The following MPPED1 variants were observed in gnomAD, a reference collection of about 807,000 sequenced individuals.
MPPED1 encodes the protein metallophosphoesterase domain-containing protein 1.
In MPPED1, 16 loss-of-function variants were observed where a neutral mutation model predicts 36.2. The observed-to-expected ratio is 0.44, with a 90% confidence interval of 0.30 to 0.67. The LOEUF is 0.67. Among genes scored for constraint, MPPED1 ranks in the 30% least tolerant of loss-of-function variants. The pLI, the probability that MPPED1 is intolerant of heterozygous loss-of-function variation, is 0.10. For missense variants in MPPED1, 307 were observed against 453.4 expected (o/e 0.68, Z 2.93); for synonymous variants, 199 against 191.3 (o/e 1.04, Z -0.33).
At chr22:43,486,517 G>A (rs1931916550) in intron 4 of MPPED1, among the ~76,000 whole-genome samples, 1 of 152,160 alleles carries the variant, frequency 6.6e-6, no homozygotes, top group African/African-American at 2.4e-5. Context: ...GCTGGAAAAT[G>A]TCACACCCCT....
intron 3 of MPPED1, among the ~76,000 whole-genome samples, chr22:43,461,279 T>C (rs901983350): frequency 6.6e-6 from 1 of 152,132 alleles, no homozygotes; most frequent in African/African-American, 2.4e-5. Flanking sequence ...AAGCTGTTTT[T>C]CCCCCTCCTG....
intron 5 of MPPED1, among the ~76,000 whole-genome samples, chr22:43,500,180 G>A (rs373572144): frequency 0.13 from 4,544 of 35,646 alleles, 878 homozygotes; most frequent in African/African-American, 0.33. Context: ...TGGAGGTGGT[G>A]GTGATGGTGA....
At chr22:43,448,719 C>T (rs1453116570) in intron 3 of MPPED1, among the ~76,000 whole-genome samples, 2 of 152,086 alleles carry the variant, frequency 1.3e-5, no homozygotes, top group African/African-American at 2.4e-5. Context: ...TCTCCTGCCT[C>T]AGCCTCTTGA....
intron 2 of MPPED1, 139 bp from the exon 3 acceptor site, chr22:43,434,895 T>G: frequency 1.1e-6 from 1 of 893,356 alleles, no homozygotes; most frequent in South Asian, 1.7e-5. Flanking sequence ...CTGGGAAGGC[T>G]GGGCGTCCAG....
rs1932825352 is a variant in MPPED1, at chr22:43,506,882, A to T, written c.*1266A>T. Reference sequence around the variant, plus strand: ...ATGGACTTTTTCTGCATTTATTTTGATTTTTAACGTTGCATTAAAGTAGTA... The same window carrying T: ...ATGGACTTTTTCTGCATTTATTTTGTTTTTTAACGTTGCATTAAAGTAGTA... On this transcript the variant is annotated 3_prime_UTR_variant, in exon 7 of 7. Transcript: ENST00000443721. 1 of 152,014 alleles carries T rather than the reference A, an allele frequency of 6.6e-6. No individual in the cohort carries two copies. The highest frequency in any genetic ancestry group is 1.5e-5 in the Non-Finnish European group (1 of 67,996). 9.4% of individuals were successfully genotyped at this position (152,014 alleles called of 1,614,324 possible).
intron 4 of MPPED1, among the ~76,000 whole-genome samples, chr22:43,485,380 C>T (rs1389436125): frequency 6.6e-6 from 1 of 151,740 alleles, no homozygotes; most frequent in East Asian, 1.9e-4. Flanking sequence ...ATGAATTCAC[C>T]CATACATGTA....
chr22:43,469,545 A>G (rs575153673), intron 3 of MPPED1, among the ~76,000 whole-genome samples: 2 of 33,398 alleles, frequency 6.0e-5, no homozygotes, highest in African/African-American at 1.0e-4. Context: ...TGGCAGCCCT[A>G]GAACAGAGGA....
At chr22:43,459,062 CTTTTCTT>C (rs1327241102) in intron 3 of MPPED1, among the ~76,000 whole-genome samples, 1 of 151,820 alleles carries the variant, frequency 6.6e-6, no homozygotes, top group African/African-American at 2.4e-5. Flanking sequence ...CTATTGTTTC[CTTTTCTT>C]TTTTCTTTTT....
At chr22:43,495,546 TGGTG>T in intron 4 of MPPED1, among the ~76,000 whole-genome samples, 5 of 112,396 alleles carry the variant, frequency 4.4e-5, no homozygotes, top group African/African-American at 1.7e-4. Flanking sequence ...GAGATGGTGG[TGGTG>T]GAGATGGTGG....
chr22:43,483,669 A>C (rs765445303), intron 4 of MPPED1, among the ~76,000 whole-genome samples: 1 of 152,164 alleles, frequency 6.6e-6, no homozygotes, highest in Non-Finnish European at 1.5e-5. Context: ...GGGTGTTGTC[A>C]TTTTAGATGG....
At chr22:43,463,977 C>T (rs529256645) in intron 3 of MPPED1, among the ~76,000 whole-genome samples, 6 of 151,740 alleles carry the variant, frequency 4.0e-5, no homozygotes, top group African/African-American at 9.7e-5. Flanking sequence ...GACGTGATCT[C>T]GACTGACTGC....
At chr22:43,477,603 C>A (rs945633769) in intron 4 of MPPED1, among the ~76,000 whole-genome samples, 2 of 152,178 alleles carry the variant, frequency 1.3e-5, no homozygotes, top group Non-Finnish European at 2.9e-5. Context: ...AGGACCTGGT[C>A]TCATCTTGCC....
At chr22:43,429,160 C>T (rs538789817) in intron 2 of MPPED1, among the ~76,000 whole-genome samples, 2 of 152,300 alleles carry the variant, frequency 1.3e-5, no homozygotes, top group South Asian at 4.1e-4. Flanking sequence ...CCTGGCCTTT[C>T]CTGCTGTCTC....
At chr22:43,473,705 G>T (rs1286216914) in intron 3 of MPPED1, among the ~76,000 whole-genome samples, 3 of 152,206 alleles carry the variant, frequency 2.0e-5, no homozygotes, top group Admixed American at 1.3e-4. Flanking sequence ...CTCAGATGGA[G>T]TAGGGGGCAG....
At chr22:43,419,410 G>A (rs1033141782) in intron 1 of MPPED1, among the ~76,000 whole-genome samples, 1 of 152,138 alleles carries the variant, frequency 6.6e-6, no homozygotes, top group African/African-American at 2.4e-5. Flanking sequence ...GAGGGTGAAC[G>A]CAGGGGTGGG....
intron 4 of MPPED1, among the ~76,000 whole-genome samples, chr22:43,497,382 G>C (rs1932452637): frequency 6.6e-6 from 1 of 152,038 alleles, no homozygotes. Context: ...TGCTGAGGTA[G>C]GGTGGGTGTC....
chr22:43,460,569 T>G (rs1222341452), intron 3 of MPPED1, among the ~76,000 whole-genome samples: 1 of 152,150 alleles, frequency 6.6e-6, no homozygotes, highest in African/African-American at 2.4e-5. Context: ...GGTTTGTTGT[T>G]GTTTATTTAG....
intron 3 of MPPED1, among the ~76,000 whole-genome samples, chr22:43,460,760 C>T (rs529115382): frequency 6.6e-6 from 1 of 152,262 alleles, no homozygotes; most frequent in South Asian, 2.1e-4. Context: ...GGCACATCCT[C>T]AACACCCTAG....
intron 4 of MPPED1, among the ~76,000 whole-genome samples, chr22:43,495,427 GGAGGAGGTACTAGTAATGGA>G (rs1932244243): frequency 6.6e-6 from 1 of 151,080 alleles, no homozygotes; most frequent in Admixed American, 6.6e-5. Flanking sequence ...TGGTGGTGGA[GGAGGAGGTACTAGTAATGGA>G]GGTGGTGGTG....
Sources: allele counts gnomAD v4.1 joint callset (sites outside exome capture counted in the v4.1 genomes callset), GRCh38; gene constraint gnomAD v4.1.1; transcripts MANE v1.5; gene names NCBI Gene and HGNC (gene_info 2026-07-23, HGNC 2026-07-21).